MAEL: variants seen among roughly 807,000 people sequenced by gnomAD.
MAEL encodes protein maelstrom homolog.
In MAEL, 46 loss-of-function variants were observed where a neutral mutation model predicts 62.0. The ratio of observed to expected loss-of-function variants is 0.74; its 90% CI spans 0.59 to 0.95. The LOEUF (loss-of-function observed/expected upper bound fraction) is 0.95, where lower values mean the gene tolerates loss of function less well. Among genes scored for constraint, MAEL ranks in the 40% least tolerant of loss-of-function variants. The probability of loss-of-function intolerance (pLI) is 0.00; values close to 1 mark genes in which losing one functional copy is unlikely to be tolerated. For synonymous variants in MAEL, 172 were observed against 175.5 expected, an observed-to-expected ratio of 0.98 and a Z score of 0.16; for missense variants, 497 against 526.8, an observed-to-expected ratio of 0.94 and a Z score of 0.55.
rs113319023 is a variant in MAEL, at chr1:167,011,641, A to C, written c.846-4581A>C. ...GATCTTTTCAGAAGAGGTCAAAAGA[A>C]AGTTTTCAGGGACAAACTAATATGT... On this transcript the variant is annotated intron_variant, in intron 8 of 11. Coordinates refer to ENST00000367872, the MANE Select transcript of MAEL (RefSeq NM_032858.3). Among the ~76,000 whole-genome samples, 636 of 152,274 alleles carry C rather than the reference A, an allele frequency of 4.2e-3. 7 individuals carry two copies. The highest frequency in any genetic ancestry group is 0.015 in the African/African-American group (613 of 41,564).
At chr1:166,991,557 T>C (rs1053813370) in intron 3 of MAEL, 80 bp downstream of exon 3, 1 of 840,132 alleles carries the variant, frequency 1.2e-6, no homozygotes, top group Non-Finnish European at 2.0e-6. Flanking sequence ...ATATTTTCTG[T>C]TCATTTTGAT....
upstream of MAEL, among the ~76,000 whole-genome samples, chr1:166,988,402 G>A (rs1663998866): frequency 7.0e-6 from 1 of 143,022 alleles, no homozygotes; most frequent in Non-Finnish European, 1.5e-5. Flanking sequence ...GTGATTACCT[G>A]AAAAGATCCA....
intron 6 of MAEL, 54 bp downstream of exon 6, chr1:167,004,358 TC>T: frequency 6.7e-7 from 1 of 1,492,754 alleles, no homozygotes; most frequent in Non-Finnish European, 9.0e-7. Flanking sequence ...TACCAAAAGA[TC>T]CATAAAACAA....
chr1:167,002,015 A>G (rs949895582), intron 5 of MAEL, among the ~76,000 whole-genome samples: 1 of 152,180 alleles, frequency 6.6e-6, no homozygotes, highest in Admixed American at 6.5e-5. Context: ...TCCTGATCTC[A>G]AGTGGTCTGC....
At chr1:166,985,357 C>T (rs1663881070), upstream of MAEL, among the ~76,000 whole-genome samples, 1 of 152,170 alleles carries the variant, frequency 6.6e-6, no homozygotes, top group African/African-American at 2.4e-5. Flanking sequence ...TGGTAAGGAT[C>T]TCCCTTGAAG....
intron 8 of MAEL, among the ~76,000 whole-genome samples, chr1:167,007,575 G>A (rs1301197023): frequency 7.8e-6 from 1 of 128,184 alleles, no homozygotes; most frequent in Non-Finnish European, 1.6e-5. Flanking sequence ...GTGTGTGTGT[G>A]TGTGTGTGTG....
At chr1:167,013,126 G>A (rs1665238748) in intron 8 of MAEL, among the ~76,000 whole-genome samples, 4 of 152,170 alleles carry the variant, frequency 2.6e-5, no homozygotes, top group Admixed American at 2.6e-4. Flanking sequence ...TCCTGGTGAG[G>A]CATCACATCT....
intron 8 of MAEL, among the ~76,000 whole-genome samples, chr1:167,011,840 G>C (rs1335728980): frequency 2.6e-5 from 4 of 152,106 alleles, no homozygotes; most frequent in African/African-American, 7.2e-5. Context: ...TCTAATTTTG[G>C]TTAAAATGTC....
intron 5 of MAEL, among the ~76,000 whole-genome samples, chr1:166,995,451 C>A (rs769097929): frequency 6.6e-4 from 101 of 152,048 alleles, no homozygotes; most frequent in Non-Finnish European, 1.3e-3. Context: ...GTTGATCAGG[C>A]TGGTCTCAAA....
intron 5 of MAEL, among the ~76,000 whole-genome samples, chr1:167,002,995 G>A (rs571392972): frequency 5.3e-5 from 8 of 151,990 alleles, no homozygotes; most frequent in Admixed American, 2.0e-4. Flanking sequence ...TTCATTCACC[G>A]CATTTTTGTC....
intron 10 of MAEL, among the ~76,000 whole-genome samples, chr1:167,018,455 G>A (rs1402151919): frequency 6.6e-6 from 1 of 151,920 alleles, no homozygotes; most frequent in Non-Finnish European, 1.5e-5. Context: ...TTTATTTTAG[G>A]TTCTGCTACA....
chr1:167,003,784 CTT>C (rs1040151949), intron 5 of MAEL, among the ~76,000 whole-genome samples: 3 of 152,090 alleles, frequency 2.0e-5, no homozygotes, highest in African/African-American at 7.2e-5. Context: ...CATCATATAA[CTT>C]TTTATAAAGC....
chr1:166,993,103 T>C lies in MAEL; in HGVS notation c.481+262T>C, dbSNP rs928931328. Among the ~76,000 whole-genome samples the C allele has an allele frequency of 2.4e-4, 37 of 152,202 alleles. 1 individual carries two copies. The highest frequency in any genetic ancestry group is 5.9e-5 in the Non-Finnish European group (4 of 68,012). On this transcript the variant is annotated intron_variant, in intron 4 of 11. Coordinates refer to ENST00000367872, the MANE Select transcript of MAEL (RefSeq NM_032858.3). ...AACAATTCATAGCCTGCTATTCACCTACCTATGGCCTTACATCTTGGGATT... is the reference window on the plus strand; with the variant it reads ...AACAATTCATAGCCTGCTATTCACCCACCTATGGCCTTACATCTTGGGATT...
At chr1:167,006,229 T>C (rs1664889621) in intron 8 of MAEL, among the ~76,000 whole-genome samples, 1 of 152,154 alleles carries the variant, frequency 6.6e-6, no homozygotes, top group Non-Finnish European at 1.5e-5. Flanking sequence ...TTCCACTGTG[T>C]CTTTTACAGC....
chr1:167,015,912 C>T (rs1665369925), intron 8 of MAEL, among the ~76,000 whole-genome samples: 1 of 151,958 alleles, frequency 6.6e-6, no homozygotes, highest in Non-Finnish European at 1.5e-5. Context: ...ACCACAAGGC[C>T]TAGAAAATAG....
At chr1:166,976,796 T>C (rs1056570157) in intron 1 of MAEL, among the ~76,000 whole-genome samples, 1 of 152,142 alleles carries the variant, frequency 6.6e-6, no homozygotes, top group Non-Finnish European at 1.5e-5. Context: ...AATATGTATG[T>C]GAACATGTGA....
chr1:167,015,603 T>G (rs1179508780), intron 8 of MAEL, among the ~76,000 whole-genome samples: 1 of 152,156 alleles, frequency 6.6e-6, no homozygotes, highest in Non-Finnish European at 1.5e-5. Context: ...TAACCTTGTA[T>G]TGACTTACAC....
intron 1 of MAEL, among the ~76,000 whole-genome samples, chr1:166,979,350 T>G (rs1411403567): frequency 1.4e-5 from 2 of 141,952 alleles, no homozygotes; most frequent in Non-Finnish European, 3.1e-5. Flanking sequence ...CCATCCTCAA[T>G]GAATTATAAG....
intron 4 of MAEL, among the ~76,000 whole-genome samples, 188 bp downstream of exon 4, chr1:166,993,029 A>G (rs1328350802): frequency 6.6e-6 from 1 of 152,126 alleles, no homozygotes; most frequent in African/African-American, 2.4e-5. Context: ...TTTTTGGTTT[A>G]GGCTTTTAAC....
Sources: gnomAD v4.1 joint callset for allele counts (sites outside exome capture counted in the v4.1 genomes callset) on GRCh38, gnomAD v4.1.1 for gene constraint, MANE v1.5 for transcripts, NCBI Gene and HGNC (gene_info 2026-07-23, HGNC 2026-07-21) for gene names.